IGFBP7: variants seen among roughly 807,000 people sequenced by gnomAD.
IGFBP7 encodes insulin-like growth factor-binding protein 7.
A neutral mutation model predicts 29.4 loss-of-function variants in IGFBP7; 31 were observed. That is an observed-to-expected ratio of 1.05 (90% CI 0.79 to 1.42). The LOEUF (loss-of-function observed/expected upper bound fraction) is 1.42. IGFBP7 is among the 40% of genes most tolerant of loss of function. IGFBP7 has a pLI of 0.00. For missense variants in IGFBP7, 393 were observed against 395.5 expected, an observed-to-expected ratio of 0.99 and a Z score of 0.05; for synonymous variants, 172 against 174.9, an observed-to-expected ratio of 0.98 and a Z score of 0.13.
intron 1 of IGFBP7, among the ~76,000 whole-genome samples, chr4:57,069,087 G>A (rs11938043): frequency 0.16 from 24,099 of 152,094 alleles, 1,976 homozygotes; most frequent in South Asian, 0.17. Flanking sequence ...AGTTTGAACC[G>A]CCAGGCTTGC....
At chr4:57,062,827 A>G (rs1202384249) in intron 1 of IGFBP7, among the ~76,000 whole-genome samples, 2 of 151,980 alleles carry the variant, frequency 1.3e-5, no homozygotes, top group African/African-American at 4.9e-5. Context: ...CAATCCTTCT[A>G]TTAGAGAAAA....
chr4:57,069,639 G>A (rs919707622), intron 1 of IGFBP7, among the ~76,000 whole-genome samples: 1 of 152,062 alleles, frequency 6.6e-6, no homozygotes, highest in African/African-American at 2.4e-5. Context: ...ACTCCAGCCT[G>A]GGTGACAGAG....
At chr4:57,046,062 G>A (rs1327035776) in intron 1 of IGFBP7, among the ~76,000 whole-genome samples, 3 of 152,142 alleles carry the variant, frequency 2.0e-5, no homozygotes, top group African/African-American at 4.8e-5. Context: ...AGAAGTTTTA[G>A]AGAAAGGTAA....
chr4:57,039,332 G>A (rs989998599), intron 2 of IGFBP7, among the ~76,000 whole-genome samples: 22 of 152,128 alleles, frequency 1.4e-4, no homozygotes, highest in Non-Finnish European at 5.9e-5. Flanking sequence ...ATAATTACAT[G>A]CTACTTTTAT....
At chr4:57,080,127 C>A (rs563177696) in intron 1 of IGFBP7, among the ~76,000 whole-genome samples, 6 of 152,276 alleles carry the variant, frequency 3.9e-5, no homozygotes, top group Non-Finnish European at 8.8e-5. Context: ...GGGTCTCCCA[C>A]AGGGCTTGGT....
At chr4:57,053,524 A>G (rs1042419107) in intron 1 of IGFBP7, among the ~76,000 whole-genome samples, 39 of 152,306 alleles carry the variant, frequency 2.6e-4, no homozygotes, top group Non-Finnish European at 5.9e-5. Flanking sequence ...CAGGTGTGCA[A>G]GATGGTGAGC....
intron 1 of IGFBP7, among the ~76,000 whole-genome samples, chr4:57,045,158 T>C (rs569342025): frequency 6.6e-6 from 1 of 152,320 alleles, no homozygotes; most frequent in East Asian, 1.9e-4. Flanking sequence ...GAGTCAACAT[T>C]TGGATTATTC....
chr4:57,080,203 G>A (rs957357769), intron 1 of IGFBP7, among the ~76,000 whole-genome samples: 1 of 152,190 alleles, frequency 6.6e-6, no homozygotes, highest in African/African-American at 2.4e-5. Flanking sequence ...TGAGATTTCT[G>A]AAGACTGGAT....
intron 1 of IGFBP7, among the ~76,000 whole-genome samples, chr4:57,053,438 A>G (rs1178359481): frequency 6.6e-6 from 1 of 152,180 alleles, no homozygotes; most frequent in South Asian, 2.1e-4. Context: ...GTTCTGGTAC[A>G]TGTGGTCTGG....
chr4:57,032,456 C>G lies in IGFBP7; in HGVS notation c.799G>C (p.Asp267His). 1 of 1,613,768 alleles carries G rather than the reference C, an allele frequency of 6.2e-7. No homozygotes were observed. Among genetic ancestry groups the G allele is most frequent in the Non-Finnish European group, 8.5e-7 (1 of 1,179,670 alleles). Residue 267 changes from aspartate to histidine, a missense_variant, in exon 4 of 5, where the codon GAT becomes CAT. By Grantham distance (81) the Asp-to-His change is moderately conservative. Coordinates refer to ENST00000295666, the MANE Select transcript of IGFBP7 (RefSeq NM_001553.3). ...ASASAKITVV[D>H]ALHEIPVKKG... ...TTCACTGGTATTTCATGTAAGGCAT[C>G]AACCACTGTAATTTTTGCTGATGCT...
At chr4:57,093,716 C>A (rs966964706) in intron 1 of IGFBP7, among the ~76,000 whole-genome samples, 1 of 151,994 alleles carries the variant, frequency 6.6e-6, no homozygotes, top group African/African-American at 2.4e-5. Flanking sequence ...TAAATACAAT[C>A]TTTAAGATTC....
At chr4:57,043,932 A>G (rs1211425389) in intron 1 of IGFBP7, among the ~76,000 whole-genome samples, 1 of 152,184 alleles carries the variant, frequency 6.6e-6, no homozygotes, top group Non-Finnish European at 1.5e-5. Context: ...TGGGCTTTGA[A>G]CTGCCTTCGC....
intron 1 of IGFBP7, among the ~76,000 whole-genome samples, chr4:57,067,532 C>T (rs1724948240): frequency 6.6e-6 from 1 of 152,006 alleles, no homozygotes; most frequent in Non-Finnish European, 1.5e-5. Flanking sequence ...TGGTGGGTGC[C>T]GGGGGCTAGG....
At chr4:57,103,711 T>C (rs1404506564) in intron 1 of IGFBP7, among the ~76,000 whole-genome samples, 1 of 130,772 alleles carries the variant, frequency 7.6e-6, no homozygotes, top group Non-Finnish European at 1.5e-5. Context: ...CAGGCTGGAG[T>C]GCAGTGGTAT....
chr4:57,109,631 C>T (rs1726122262), intron 1 of IGFBP7: 1 of 558,666 alleles, frequency 1.8e-6, no homozygotes, highest in South Asian at 2.3e-5. Context: ...TACACCCGGC[C>T]CTCACTTTCT....
At position 57,110,023 on chromosome 4, in the gene IGFBP7, A is replaced by G. The variant is rs1388340350; in HGVS notation, c.329T>C (p.Val110Ala). The G allele has an allele frequency of 8.6e-5, 133 of 1,553,736 alleles. No homozygotes were observed. Among genetic ancestry groups the G allele is most frequent in the Non-Finnish European group, 1.1e-4 (124 of 1,155,844 alleles). Reference protein sequence around the residue: ...AAAGGPGVSGVCVCKSRYPVC... With the variant: ...AAAGGPGVSGACVCKSRYPVC... The stretch of plus-strand genomic sequence containing the variant: ...CGGGTAGCGGCTCTTGCACACGCAC[A>G]CGCCGCTTACACCCGGACCGCCGGC... The change falls in exon 1 of 5, where the codon GTG becomes GCG. Residue 110 changes from valine to alanine, a missense_variant. Physicochemically the swap from Val to Ala is moderately conservative, Grantham distance 64 (BLOSUM62 0). Transcript: ENST00000295666.
chr4:57,040,932 A>T lies in IGFBP7; in HGVS notation c.477T>A (p.Gly159=). The T allele has an allele frequency of 6.2e-7, 1 of 1,608,562 alleles. No homozygotes were observed. The highest frequency in any genetic ancestry group is 1.1e-5 in the South Asian group (1 of 90,942). Reference sequence around the variant, plus strand: ...CCTTGGGGGGCGTCACTATGGAAGGACCTGCAGGAGAGGGCACAAAGCCAA... The same window carrying T: ...CCTTGGGGGGCGTCACTATGGAAGGTCCTGCAGGAGAGGGCACAAAGCCAA... ...TQVSKGTCEQ[G]PSIVTPPKDI... is the part of the protein sequence containing the mutation. The change falls in exon 2 of 5, where the codon GGT becomes GGA. Residue 159 remains glycine, a splice_region_variant and synonymous_variant. Coordinates refer to ENST00000295666, the MANE Select transcript of IGFBP7 (RefSeq NM_001553.3).
chr4:57,046,493 C>T (rs1360599672), intron 1 of IGFBP7, among the ~76,000 whole-genome samples: 2 of 152,072 alleles, frequency 1.3e-5, no homozygotes, highest in East Asian at 1.9e-4. Flanking sequence ...TTTTCTCATA[C>T]AGAAAGCTCA....
chr4:57,076,151 C>T (rs1725220154), intron 1 of IGFBP7, among the ~76,000 whole-genome samples: 1 of 152,148 alleles, frequency 6.6e-6, no homozygotes, highest in Non-Finnish European at 1.5e-5. Context: ...TTGCTGTAGC[C>T]TCACATGGTG....
Sources: gnomAD v4.1 joint callset for allele counts (sites outside exome capture counted in the v4.1 genomes callset) on GRCh38, gnomAD v4.1.1 for gene constraint, MANE v1.5 for transcripts, NCBI Gene and HGNC (gene_info 2026-07-23, HGNC 2026-07-21) for gene names.